Variants in KLKB1 observed in about 807,000 individuals in gnomAD.
The protein encoded by KLKB1 is plasma kallikrein.
A neutral mutation model predicts 73.6 loss-of-function variants in KLKB1; 58 were observed. The observed-to-expected ratio is 0.79, with a 90% CI of 0.64 to 0.98. The LOEUF is 0.98. KLKB1 is among the 50% of genes least tolerant of loss of function. The probability of loss-of-function intolerance (pLI) is 0.00; values close to 1 mark genes in which losing one functional copy is unlikely to be tolerated. For missense variants in KLKB1, 737 were observed against 763.8 expected, an observed-to-expected ratio of 0.96 and a Z score of 0.41; for synonymous variants, 280 against 258.1, an observed-to-expected ratio of 1.08 and a Z score of -0.81.
At chr4:186,214,497 T>C (rs1307786179) in intron 2 of KLKB1, among the ~76,000 whole-genome samples, 1 of 152,218 alleles carries the variant, frequency 6.6e-6, no homozygotes, top group Non-Finnish European at 1.5e-5. Context: ...TATTGGATCA[T>C]CAGCATATAT....
At chr4:186,252,475 C>A (rs1170104118) in intron 11 of KLKB1, among the ~76,000 whole-genome samples, 1 of 151,786 alleles carries the variant, frequency 6.6e-6, no homozygotes, top group Non-Finnish European at 1.5e-5. Flanking sequence ...ATCCCACCAC[C>A]AATTCCACCA....
chr4:186,257,377 G>C lies in KLKB1; in HGVS notation c.1725+12G>C, dbSNP rs1580048062. 3.2e-6 allele frequency: 5 copies of C among 1,571,326 alleles called. No individual in the cohort carries two copies. The East Asian group carries it at 1.2e-4, about 36-fold the overall frequency. On this transcript the variant is annotated intron_variant, in intron 14 of 14. Coordinates refer to ENST00000264690, the MANE Select transcript of KLKB1 (RefSeq NM_000892.5). ...AAGATGCTTGTAAGGTAACTCATGA[G>C]ATTATGAAAAACACAATAGGCTGCT...
intron 2 of KLKB1, among the ~76,000 whole-genome samples, chr4:186,231,602 T>A (rs1737401565): frequency 6.6e-6 from 1 of 152,246 alleles, no homozygotes; most frequent in Admixed American, 6.5e-5. Context: ...TGGGTGACCG[T>A]CACAGGACTT....
intron 13 of KLKB1, among the ~76,000 whole-genome samples, chr4:186,256,476 A>G (rs1366847589): frequency 6.6e-6 from 1 of 152,176 alleles, no homozygotes; most frequent in African/African-American, 2.4e-5. Context: ...TCGTCTCACT[A>G]TGGAGAATAA....
chr4:186,243,291 C>T (rs780236232), intron 6 of KLKB1, among the ~76,000 whole-genome samples: 2 of 152,116 alleles, frequency 1.3e-5, no homozygotes, highest in Admixed American at 6.6e-5. Context: ...TGGCTTGTAA[C>T]TTACATGGAA....
intron 4 of KLKB1, among the ~76,000 whole-genome samples, chr4:186,236,499 C>T (rs189315403): frequency 7.4e-4 from 113 of 152,174 alleles, no homozygotes; most frequent in Non-Finnish European, 1.5e-3. Context: ...ATAATTTCAA[C>T]GTGAAATTTA....
At chr4:186,215,860 A>C (rs1182128921) in intron 2 of KLKB1, among the ~76,000 whole-genome samples, 7 of 152,134 alleles carry the variant, frequency 4.6e-5, no homozygotes, top group Non-Finnish European at 8.8e-5. Flanking sequence ...TAGGAGTGGG[A>C]TTGTGCTTCA....
intron 6 of KLKB1, 144 bp from the exon 7 acceptor site, chr4:186,250,099 A>C: frequency 2.3e-6 from 2 of 881,002 alleles, no homozygotes; most frequent in Non-Finnish European, 3.7e-6. Flanking sequence ...GTTTGGAGAT[A>C]CTTTAAAGGA....
chr4:186,231,780 T>C lies in KLKB1; in HGVS notation c.59-347T>C, dbSNP rs1034481945. On this transcript the variant is annotated intron_variant, in intron 2 of 14. Transcript: ENST00000264690. ...GTTTGTTACAAAAGTGTTTTGAAAA[T>C]AGAGCAAATATTATTCTTTTTAAGG... Among the ~76,000 whole-genome samples the C allele has an allele frequency of 2.0e-5, 3 of 152,190 alleles. No individual in the cohort carries two copies. In the East Asian group the frequency reaches 5.8e-4, roughly 29 times the overall value.
At position 186,233,719 on chromosome 4, in the gene KLKB1, T is replaced by C. The variant is rs2304596; in HGVS notation, c.222-233T>C. Among the ~76,000 whole-genome samples, 19,075 of 152,260 alleles carry C rather than the reference T, an allele frequency of 0.13. 1,512 individuals carry two copies. The highest frequency in any genetic ancestry group is 0.2 in the Middle Eastern group (60 of 294). ...AGGAAAAATCATTAACTCTTTAATA[T>C]GGTTGATTTCCTGTACTTAAAAAAT... On this transcript the variant is annotated intron_variant, in intron 3 of 14. Transcript: ENST00000264690.
At chr4:186,256,552 CTT>C (rs1739001026) in intron 13 of KLKB1, among the ~76,000 whole-genome samples, 1 of 152,132 alleles carries the variant, frequency 6.6e-6, no homozygotes, top group Non-Finnish European at 1.5e-5. Context: ...CCGATTCAGT[CTT>C]TTGTTCAAGT....
Position 186,234,005 on chromosome 4 carries a change from G to C in KLKB1, c.275G>C (p.Arg92Pro), listed in dbSNP as rs369958652. 1.9e-6 allele frequency: 3 copies of C among 1,614,040 alleles called. No homozygotes were observed. Among genetic ancestry groups the C allele is most frequent in the Non-Finnish European group, 2.5e-6 (3 of 1,179,964 alleles). ...ACAGGAACCCTGCCAAAAGTACATC[G>C]AACAGGTGCAGTTTCTGGACATTCC... ...SVTGTLPKVH[R>P]TGAVSGHSLK... Residue 92 changes from arginine to proline, a missense_variant, in exon 4 of 15, where the codon CGA becomes CCA. Physicochemically the swap from Arg to Pro is moderately radical, Grantham distance 103. Transcript: ENST00000264690.
chr4:186,232,169 G>T lies in KLKB1; in HGVS notation c.101G>T (p.Gly34Val). The change falls in exon 3 of 15, where the codon GGG becomes GTG. Residue 34 changes from glycine to valine, a missense_variant. Gly to Val is a moderately radical substitution (Grantham distance 109, BLOSUM62 -3). Transcript: ENST00000264690. ...QLYENAFFRG[G>V]DVASMYTPNA... is the part of the protein sequence containing the mutation. ...TATGAAAACGCCTTCTTCAGAGGTG[G>T]GGATGTAGCTTCCATGTACACCCCA... The T allele has an allele frequency of 6.2e-7, 1 of 1,613,860 alleles. No homozygotes were observed. Among genetic ancestry groups the T allele is most frequent in the East Asian group, 2.2e-5 (1 of 44,882 alleles).
intron 4 of KLKB1, among the ~76,000 whole-genome samples, chr4:186,234,962 T>G (rs1737581030): frequency 6.6e-6 from 1 of 152,224 alleles, no homozygotes; most frequent in South Asian, 2.1e-4. Flanking sequence ...ACAATTAATT[T>G]TGTAGGTTCA....
At position 186,217,066 on chromosome 4, in the gene KLKB1, G is replaced by A. The variant is rs910461998; in HGVS notation, c.201+7794G>A. Among the ~76,000 whole-genome samples the A allele has an allele frequency of 3.3e-5, 5 of 152,154 alleles. No individual in the cohort carries two copies. The South Asian group carries it at 8.3e-4, about 25-fold the overall frequency. On this transcript the variant is annotated intron_variant, in intron 2 of 14. Coordinates refer to the KLKB1 transcript ENST00000511608. Reference sequence around the variant, plus strand: ...AATGTTTTAGAATTCTACTTACCACGCCTCTTTTCAATTTAGTTCTGATTT... The same window carrying A: ...AATGTTTTAGAATTCTACTTACCACACCTCTTTTCAATTTAGTTCTGATTT...
chr4:186,231,977 T>C (rs1737418669), intron 2 of KLKB1, 150 bp from the exon 3 acceptor site: 1 of 581,672 alleles, frequency 1.7e-6, no homozygotes, highest in African/African-American at 1.9e-5. Context: ...AATAGTTGCC[T>C]TAATATATTT....
rs141810294 is a variant in KLKB1, at chr4:186,228,514, C to T, written c.58+261C>T. Among the ~76,000 whole-genome samples the T allele has an allele frequency of 2.7e-4, 41 of 152,192 alleles. No homozygotes were observed. The East Asian group carries it at 6.2e-3, about 23-fold the overall frequency. On this transcript the variant is annotated intron_variant, in intron 2 of 14. Coordinates refer to ENST00000264690, the MANE Select transcript of KLKB1 (RefSeq NM_000892.5). The stretch of plus-strand genomic sequence containing the variant: ...ACTTGTGTTAACAAAAACTTCTGTT[C>T]GCAGATGACACTCTGCAAAGCAAAA...
intron 6 of KLKB1, among the ~76,000 whole-genome samples, chr4:186,245,877 A>G (rs1475665707): frequency 1.4e-5 from 2 of 143,284 alleles, no homozygotes; most frequent in Non-Finnish European, 3.0e-5. Context: ...CATATTGAGA[A>G]TAAGAGGCCT....
rs755426719 is a variant in KLKB1 at position 186,256,054 on chromosome 4, T to C, written c.1552T>C (p.Trp518Arg). The change falls in exon 13 of 15, where the codon TGG becomes CGG. Residue 518 changes from tryptophan to arginine, a missense_variant. Trp to Arg is a moderately radical substitution (Grantham distance 101). Coordinates refer to ENST00000264690, the MANE Select transcript of KLKB1 (RefSeq NM_000892.5). ...GDTSTIYTNC[W>R]VTGWGFSKEK... ...CACAAGCACAATTTATACCAACTGT[T>C]GGGTAACCGGATGGGGCTTCTCGAA... 1.1e-5 allele frequency: 17 copies of C among 1,612,852 alleles called. No individual in the cohort carries two copies. Among genetic ancestry groups the C allele is most frequent in the Non-Finnish European group, 1.4e-5 (17 of 1,178,908 alleles).
Sources: allele counts gnomAD v4.1 joint callset (sites outside exome capture counted in the v4.1 genomes callset), GRCh38; gene constraint gnomAD v4.1.1; transcripts MANE v1.5; gene names NCBI Gene and HGNC (gene_info 2026-07-23, HGNC 2026-07-21).